TBC1D14: variants seen among roughly 807,000 people sequenced by gnomAD.
TBC1D14 encodes the protein TBC1 domain family, member 14.
TBC1D14 carries 26 observed loss-of-function variants against 79.0 expected under a neutral mutation model. The ratio of observed to expected loss-of-function variants is 0.33; its 90% CI spans 0.24 to 0.46. The LOEUF is 0.46. Among genes scored for constraint, TBC1D14 ranks in the 20% least tolerant of loss-of-function variants. The pLI is 1.00. For missense variants in TBC1D14, 769 were observed against 887.6 expected (o/e 0.87, Z 1.70); for synonymous variants, 394 against 349.9 (o/e 1.13, Z -1.40).
intron 12 of TBC1D14, among the ~76,000 whole-genome samples, chr4:7,019,428 C>T (rs1042935185): frequency 2.0e-5 from 3 of 152,166 alleles, no homozygotes; most frequent in African/African-American, 7.2e-5. Flanking sequence ...TTCTGGGGTA[C>T]AGGTTGCCCC....
chr4:7,024,593 C>CG (rs1397491605), intron 12 of TBC1D14, among the ~76,000 whole-genome samples: 1 of 152,128 alleles, frequency 6.6e-6, no homozygotes, highest in Non-Finnish European at 1.5e-5. Flanking sequence ...GCTCCCAGGG[C>CG]GGGGGGAACC....
intron 3 of TBC1D14, among the ~76,000 whole-genome samples, chr4:6,977,860 C>T (rs1226132096): frequency 6.6e-6 from 1 of 150,742 alleles, no homozygotes; most frequent in African/African-American, 2.4e-5. Flanking sequence ...GGCCGCCCAT[C>T]GTCTGAGATG....
chr4:6,926,028 C>T (rs1487703933), intron 2 of TBC1D14, among the ~76,000 whole-genome samples: 2 of 152,204 alleles, frequency 1.3e-5, no homozygotes, highest in African/African-American at 4.8e-5. Context: ...TGTGCCATGT[C>T]CAGCTCTGTG....
At chr4:6,991,601 C>G (rs539867880) in intron 3 of TBC1D14, among the ~76,000 whole-genome samples, 4 of 152,244 alleles carry the variant, frequency 2.6e-5, no homozygotes, top group African/African-American at 9.6e-5. Context: ...CATCTGACCA[C>G]AGCCACAGCT....
At chr4:7,004,454 A>T (rs1719985027) in intron 7 of TBC1D14, among the ~76,000 whole-genome samples, 1 of 152,078 alleles carries the variant, frequency 6.6e-6, no homozygotes, top group African/African-American at 2.4e-5. Flanking sequence ...ACATTCCTTG[A>T]TTGGGTTGCT....
chr4:6,976,367 A>G (rs942752470), intron 3 of TBC1D14, among the ~76,000 whole-genome samples: 1 of 152,250 alleles, frequency 6.6e-6, no homozygotes, highest in Non-Finnish European at 1.5e-5. Flanking sequence ...TAAGAAGTCC[A>G]TGTCCAGATA....
At chr4:6,998,540 T>C (rs1249178747) in intron 5 of TBC1D14, among the ~76,000 whole-genome samples, 2 of 148,946 alleles carry the variant, frequency 1.3e-5, no homozygotes, top group Non-Finnish European at 3.0e-5. Flanking sequence ...TGTTCTTTTT[T>C]TCTTTCTTTT....
intron 11 of TBC1D14, among the ~76,000 whole-genome samples, chr4:7,012,535 TG>T (rs1314559257): frequency 6.6e-6 from 1 of 152,208 alleles, no homozygotes; most frequent in African/African-American, 2.4e-5. Context: ...TGAGAATAGC[TG>T]AAATGAGGTT....
intron 12 of TBC1D14, among the ~76,000 whole-genome samples, chr4:7,021,891 G>C (rs1184555640): frequency 6.6e-6 from 1 of 152,188 alleles, no homozygotes; most frequent in Non-Finnish European, 1.5e-5. Flanking sequence ...GGCAGCAGGG[G>C]AAGGTGGACC....
intron 7 of TBC1D14, among the ~76,000 whole-genome samples, chr4:7,001,826 A>G (rs1372270591): frequency 6.6e-6 from 1 of 152,102 alleles, no homozygotes; most frequent in Non-Finnish European, 1.5e-5. Context: ...GAGCACTCTG[A>G]AGCGCGTCCA....
intron 3 of TBC1D14, among the ~76,000 whole-genome samples, chr4:6,970,411 C>G (rs1420370640): frequency 6.6e-6 from 1 of 152,282 alleles, no homozygotes; most frequent in Non-Finnish European, 1.5e-5. Flanking sequence ...TACACACACG[C>G]ACTCAGAATA....
rs913077245 is a variant in TBC1D14, at chr4:6,983,461, G to T, written c.844-10723G>T. ...AGCTTTCTAGTGGCCAGAGCAGAGG[G>T]AAACATTATACAGCTGGTGACCGAG... On this transcript the variant is annotated intron_variant, in intron 3 of 13. Transcript: ENST00000409757. 5.3e-5 allele frequency among the ~76,000 whole-genome samples: 8 copies of T among 152,106 alleles called. No individual in the cohort carries two copies. In the East Asian group the frequency reaches 1.5e-3, roughly 29 times the overall value.
chr4:6,940,207 C>G (rs759032663), intron 2 of TBC1D14, among the ~76,000 whole-genome samples: 1 of 152,332 alleles, frequency 6.6e-6, no homozygotes, highest in Non-Finnish European at 1.5e-5. Flanking sequence ...GCCAGTCAGG[C>G]GCTCAGTAGC....
At chr4:6,925,866 G>T (rs569097471) in intron 2 of TBC1D14, among the ~76,000 whole-genome samples, 1 of 152,146 alleles carries the variant, frequency 6.6e-6, no homozygotes, top group South Asian at 2.1e-4. Flanking sequence ...CGTTCCACGC[G>T]GACCTCAGGA....
intron 2 of TBC1D14, among the ~76,000 whole-genome samples, chr4:6,954,001 G>T (rs1714367734): frequency 6.6e-6 from 1 of 150,948 alleles, no homozygotes; most frequent in Non-Finnish European, 1.5e-5. Context: ...AGCCTGCCCT[G>T]CCACGGCATG....
intron 12 of TBC1D14, among the ~76,000 whole-genome samples, chr4:7,024,803 A>AT (rs759864110): frequency 6.6e-5 from 10 of 152,172 alleles, no homozygotes; most frequent in Non-Finnish European, 1.2e-4. Context: ...GTGCTGCATG[A>AT]TTCTGTGCGG....
intron 7 of TBC1D14, among the ~76,000 whole-genome samples, chr4:7,003,623 A>T (rs952719043): frequency 6.6e-6 from 1 of 152,204 alleles, no homozygotes; most frequent in African/African-American, 2.4e-5. Context: ...TGAAAATTCC[A>T]TGGGTAGCTG....
chr4:6,923,954 A>G lies in TBC1D14; in HGVS notation c.565A>G (p.Ile189Val), dbSNP rs1260796760. Residue 189 changes from isoleucine to valine, a missense_variant, in exon 2 of 14, where the codon ATT becomes GTT. Transcript: ENST00000409757. ...TGTGGTCACGAGCAGCTCCAGTGCC[A>G]TTGTGACCCTGGAGAATGACGATGA... ...DLVVTSSSSA[I>V]VTLENDDDPQ... 1.9e-6 allele frequency: 3 copies of G among 1,614,170 alleles called. No homozygotes were observed. The highest frequency in any genetic ancestry group is 2.2e-5 in the East Asian group (1 of 44,884).
chr4:6,996,523 G>T, intron 5 of TBC1D14, 116 bp downstream of exon 5: 10 of 729,558 alleles, frequency 1.4e-5, no homozygotes, highest in South Asian at 7.5e-5. Flanking sequence ...TTTGAAATTT[G>T]TAGTCTTCCA....
Sources: gnomAD v4.1 joint callset for allele counts (sites outside exome capture counted in the v4.1 genomes callset) on GRCh38, gnomAD v4.1.1 for gene constraint, MANE v1.5 for transcripts, NCBI Gene and HGNC (gene_info 2026-07-23, HGNC 2026-07-21) for gene names.